Variants in TRAPPC11 observed in about 807,000 individuals in gnomAD.
The protein encoded by TRAPPC11 is trafficking protein particle complex subunit 11.
TRAPPC11 carries 104 observed loss-of-function variants against 151.2 expected under a neutral mutation model. The observed-to-expected ratio is 0.69, with a 90% CI of 0.59 to 0.81. TRAPPC11 has a LOEUF of 0.81. Among genes scored for constraint, TRAPPC11 ranks in the 30% least tolerant of loss-of-function variants. The probability of loss-of-function intolerance (pLI) is 0.00; values close to 1 mark genes in which losing one functional copy is unlikely to be tolerated. For synonymous variants in TRAPPC11, 456 were observed against 472.3 expected (o/e 0.97, Z 0.45); for missense variants, 1,230 against 1,349.6 (o/e 0.91, Z 1.39).
chr4:183,689,761 A>T (rs1736161993), intron 18 of TRAPPC11, among the ~76,000 whole-genome samples: 1 of 147,044 alleles, frequency 6.8e-6, no homozygotes, highest in South Asian at 2.2e-4. Context: ...CTTTTCCCTT[A>T]ATAGCCTACT....
chr4:183,674,007 T>C (rs1381383405), intron 5 of TRAPPC11, among the ~76,000 whole-genome samples: 5 of 152,346 alleles, frequency 3.3e-5, no homozygotes, highest in African/African-American at 1.2e-4. Context: ...TTTTAAATCC[T>C]AAATACTAAA....
rs760877458 is a variant in TRAPPC11, at chr4:183,680,276, C to T, written c.1113+9C>T. ...CCCTCTGTAACCACGAAGTAAGTTA[C>T]TCACTCCGTATTATCTAGCACATAG... is the stretch of plus-strand genomic sequence containing the variant. On this transcript the variant is annotated intron_variant, in intron 10 of 29. Coordinates refer to ENST00000334690, the MANE Select transcript of TRAPPC11 (RefSeq NM_021942.6). 1.3e-5 allele frequency: 21 copies of T among 1,613,752 alleles called. No homozygotes were observed. The South Asian group carries it at 2.2e-4, about 17-fold the overall frequency.
chr4:183,710,893 G>A (rs1737310235), intron 29 of TRAPPC11, among the ~76,000 whole-genome samples: 2 of 150,896 alleles, frequency 1.3e-5, no homozygotes, highest in African/African-American at 4.9e-5. Context: ...GCCGGGTGTG[G>A]TGTGGTGGGC....
chr4:183,710,503 G>C (rs1737289523), intron 29 of TRAPPC11, among the ~76,000 whole-genome samples: 1 of 151,396 alleles, frequency 6.6e-6, no homozygotes, highest in Non-Finnish European at 1.5e-5. Flanking sequence ...AGCCAGGATG[G>C]TCTCGATCTC....
intron 1 of TRAPPC11, among the ~76,000 whole-genome samples, chr4:183,663,618 T>G (rs1341766353): frequency 1.3e-5 from 2 of 152,032 alleles, no homozygotes; most frequent in Non-Finnish European, 2.9e-5. Flanking sequence ...ATCCACCTGC[T>G]TCGGCCTCCC....
intron 26 of TRAPPC11, among the ~76,000 whole-genome samples, chr4:183,702,249 G>C (rs111929417): frequency 6.6e-6 from 1 of 151,966 alleles, no homozygotes; most frequent in Admixed American, 6.6e-5. Context: ...GAGGCTGAGG[G>C]GGGAGGATGA....
At chr4:183,689,487 G>A (rs184433526) in intron 18 of TRAPPC11, among the ~76,000 whole-genome samples, 1 of 152,046 alleles carries the variant, frequency 6.6e-6, no homozygotes, top group East Asian at 1.9e-4. Context: ...ATCACACTGT[G>A]GTTTCACCGT....
At chr4:183,697,140 A>G (rs969145405) in intron 23 of TRAPPC11, among the ~76,000 whole-genome samples, 2 of 152,142 alleles carry the variant, frequency 1.3e-5, no homozygotes, top group African/African-American at 4.8e-5. Flanking sequence ...CCTGAGCAAC[A>G]TAGCAAGACC....
rs772936022 is a variant in TRAPPC11 at position 183,691,345 on chromosome 4, A to C, written c.1923A>C (p.Glu641Asp). ...ACAACCAGTTCTGTGTAATAGAAGA[A>C]GCATCCAAAGCAAATGAAGTTTTAG... ...QEYNQFCVIE[E>D]ASKANEVLEN... is the part of the protein sequence containing the mutation. Residue 641 changes from glutamate (E) to aspartate (D), a missense_variant, in exon 19 of 30, where the codon GAA becomes GAC. By Grantham distance (45) the Glu-to-Asp change is conservative. Coordinates refer to ENST00000334690, the MANE Select transcript of TRAPPC11 (RefSeq NM_021942.6). 2 of 1,553,586 alleles carry C rather than the reference A, an allele frequency of 1.3e-6. No homozygotes were observed. Among genetic ancestry groups the C allele is most frequent in the Non-Finnish European group, 1.8e-6 (2 of 1,142,636 alleles).
intron 1 of TRAPPC11, among the ~76,000 whole-genome samples, chr4:183,661,584 G>A (rs935174804): frequency 2.6e-5 from 4 of 151,532 alleles, no homozygotes; most frequent in East Asian, 1.9e-4. Context: ...TGTTAGCCAG[G>A]ATGGTCTCGA....
At chr4:183,681,017 C>T (rs961391375) in intron 10 of TRAPPC11, among the ~76,000 whole-genome samples, 3 of 151,628 alleles carry the variant, frequency 2.0e-5, no homozygotes, top group Admixed American at 6.6e-5. Flanking sequence ...TCTTAAGAGT[C>T]TGTTTGAGGA....
Position 183,685,302 on chromosome 4 carries a change from A to G in TRAPPC11, c.1661A>G (p.Asp554Gly), listed in dbSNP as rs767252459. 3.1e-6 allele frequency: 5 copies of G among 1,614,134 alleles called. No homozygotes were observed. The highest frequency in any genetic ancestry group is 3.3e-5 in the Admixed American group (2 of 60,018). ...NESPDPEPDC[D>G]ILAVKTAQKL... ...AGTCCTGATCCAGAACCCGACTGTG[A>G]TATCTTAGCTGTGAAAACTGCTCAG... is the stretch of plus-strand genomic sequence containing the variant. Residue 554 changes from aspartate (D) to glycine (G), a missense_variant, in exon 17 of 30, where the codon GAT becomes GGT. By Grantham distance (94) the Asp-to-Gly change is moderately conservative. Coordinates refer to ENST00000334690, the MANE Select transcript of TRAPPC11 (RefSeq NM_021942.6).
At chr4:183,662,306 A>T (rs1245017945) in intron 1 of TRAPPC11, among the ~76,000 whole-genome samples, 2 of 145,014 alleles carry the variant, frequency 1.4e-5, no homozygotes, top group Non-Finnish European at 3.0e-5. Flanking sequence ...TAGTGAGCTG[A>T]TATTGGGCCA....
chr4:183,670,474 C>T (rs935739495), intron 5 of TRAPPC11, among the ~76,000 whole-genome samples: 2 of 152,170 alleles, frequency 1.3e-5, no homozygotes, highest in African/African-American at 2.4e-5. Context: ...TTAAAAACCA[C>T]GCACATACTT....
At chr4:183,690,062 G>A (rs909544095) in intron 18 of TRAPPC11, among the ~76,000 whole-genome samples, 2 of 152,102 alleles carry the variant, frequency 1.3e-5, no homozygotes, top group African/African-American at 4.8e-5. Flanking sequence ...AATTAGCTGA[G>A]CGTGGTGGCG....
Position 183,671,117 on chromosome 4 carries a change from C to T in TRAPPC11, c.560+3000C>T, listed in dbSNP as rs185001821. Among the ~76,000 whole-genome samples the T allele has an allele frequency of 2.7e-3, 404 of 152,314 alleles. 1 individual carries two copies. The highest frequency in any genetic ancestry group is 8.9e-3 in the African/African-American group (372 of 41,580). On this transcript the variant is annotated intron_variant, in intron 5 of 29. Transcript: ENST00000334690. ...CTGACCTTAGGTGATCCGCCCACCT[C>T]GGCCTCCCATAGTGCTGGGATTACA...
At position 183,663,865 on chromosome 4, in the gene TRAPPC11, A is replaced by T; in HGVS notation, c.-3A>T. On this transcript the variant is annotated 5_prime_UTR_variant, in exon 2 of 30. Coordinates refer to ENST00000334690, the MANE Select transcript of TRAPPC11 (RefSeq NM_021942.6). ...ATTTCAGGTTTTTTGTGACATCGTA[A>T]ACATGAGCCCCACACAGTGGGACTT... is the stretch of plus-strand genomic sequence containing the variant. 1 of 1,612,596 alleles carries T rather than the reference A, an allele frequency of 6.2e-7. No homozygotes were observed. The highest frequency in any genetic ancestry group is 8.5e-7 in the Non-Finnish European group (1 of 1,179,032).
Position 183,693,943 on chromosome 4 carries a change from A to G in TRAPPC11, c.2413A>G (p.Thr805Ala). ...ACAGGATGCCAATTTAACTCAGAAG[A>G]CTCACGTGACTCTTCATGGAACAGA... ...PGQDANLTQK[T>A]HVTLHGTELC... The change falls in exon 22 of 30, where the codon ACT becomes GCT. Residue 805 changes from threonine (T) to alanine (A), a missense_variant. Transcript: ENST00000334690. The G allele has an allele frequency of 6.2e-7, 1 of 1,613,698 alleles. No individual in the cohort carries two copies. The highest frequency in any genetic ancestry group is 8.5e-7 in the Non-Finnish European group (1 of 1,179,698).
At chr4:183,661,481 C>T (rs1334799033) in intron 1 of TRAPPC11, among the ~76,000 whole-genome samples, 1 of 148,230 alleles carries the variant, frequency 6.7e-6, no homozygotes, top group Non-Finnish European at 1.5e-5. Flanking sequence ...ACGCCATTCT[C>T]CTGCCTCAGC....
Sources: allele counts gnomAD v4.1 joint callset (sites outside exome capture counted in the v4.1 genomes callset), GRCh38; gene constraint gnomAD v4.1.1; transcripts MANE v1.5; gene names NCBI Gene and HGNC (gene_info 2026-07-23, HGNC 2026-07-21).